KCNJ3: variants seen among roughly 807,000 people sequenced by gnomAD.
KCNJ3 encodes the protein potassium inwardly rectifying channel subfamily J member 3.
A neutral mutation model predicts 39.2 loss-of-function variants in KCNJ3; 4 were observed. That is an observed-to-expected ratio of 0.10 (90% CI 0.05 to 0.23). KCNJ3 has a LOEUF of 0.23. Ranked by LOEUF, KCNJ3 falls within the 10% of genes least tolerant of loss-of-function variation. The pLI is 1.00. For missense variants in KCNJ3, 276 were observed against 634.9 expected (o/e 0.43, Z 6.08); for synonymous variants, 230 against 237.4 (o/e 0.97, Z 0.29).
At chr2:154,850,677 A>T (rs1038069205) in intron 2 of KCNJ3, among the ~76,000 whole-genome samples, 1 of 152,202 alleles carries the variant, frequency 6.6e-6, no homozygotes, top group Non-Finnish European at 1.5e-5. Context: ...GGGTACCTAC[A>T]TCTAATGAAA....
At chr2:154,743,583 G>A (rs1256156510) in intron 2 of KCNJ3, among the ~76,000 whole-genome samples, 1 of 151,146 alleles carries the variant, frequency 6.6e-6, no homozygotes, top group Non-Finnish European at 1.5e-5. Flanking sequence ...CTTTTGAGTA[G>A]TTATACATGC....
chr2:154,849,795 G>C lies in KCNJ3; in HGVS notation c.920-4932G>C, dbSNP rs375163722. On this transcript the variant is annotated intron_variant, in intron 2 of 2. Transcript: ENST00000295101. ...TCACTTTAAAACCTTCCACAGATCTGTTCTTTGAATGAATGTTTAATTCAG... is the reference window on the plus strand; with the variant it reads ...TCACTTTAAAACCTTCCACAGATCTCTTCTTTGAATGAATGTTTAATTCAG... Among the ~76,000 whole-genome samples, 24 of 152,206 alleles carry C rather than the reference G, an allele frequency of 1.6e-4. No homozygotes were observed. In the East Asian group the frequency reaches 2.3e-3, roughly 15 times the overall value.
intron 2 of KCNJ3, among the ~76,000 whole-genome samples, chr2:154,767,271 G>A (rs1267472055): frequency 6.6e-6 from 1 of 151,824 alleles, no homozygotes; most frequent in Non-Finnish European, 1.5e-5. Context: ...GTGCCATGTT[G>A]GTGTGCTGCA....
At chr2:154,705,329 T>C (rs532040737) in intron 1 of KCNJ3, among the ~76,000 whole-genome samples, 1 of 152,284 alleles carries the variant, frequency 6.6e-6, no homozygotes, top group South Asian at 2.1e-4. Flanking sequence ...ATGTATATCC[T>C]AGGATCATGT....
intron 2 of KCNJ3, among the ~76,000 whole-genome samples, chr2:154,750,285 A>G (rs1685816509): frequency 6.6e-6 from 1 of 151,984 alleles, no homozygotes; most frequent in Admixed American, 6.6e-5. Flanking sequence ...TAGTTTCAGT[A>G]TCTATAGGGT....
intron 2 of KCNJ3, among the ~76,000 whole-genome samples, chr2:154,729,176 GTCT>G (rs1000186312): frequency 2.6e-5 from 4 of 152,124 alleles, no homozygotes; most frequent in African/African-American, 9.7e-5. Flanking sequence ...CAGAAATGAA[GTCT>G]TCTTCAGTTT....
intron 2 of KCNJ3, among the ~76,000 whole-genome samples, chr2:154,828,634 C>T (rs1323889857): frequency 6.6e-6 from 1 of 152,118 alleles, no homozygotes; most frequent in African/African-American, 2.4e-5. Context: ...CTGTTCTAGT[C>T]CAATGTGAAG....
intron 2 of KCNJ3, among the ~76,000 whole-genome samples, chr2:154,732,209 G>A (rs767559120): frequency 9.9e-5 from 15 of 152,060 alleles, no homozygotes; most frequent in Non-Finnish European, 2.1e-4. Context: ...TTTGTAAGAA[G>A]TGAGTTTTGC....
At chr2:154,773,238 T>A (rs990592663) in intron 2 of KCNJ3, among the ~76,000 whole-genome samples, 2 of 152,106 alleles carry the variant, frequency 1.3e-5, no homozygotes, top group Non-Finnish European at 2.9e-5. Flanking sequence ...GTTGCATGAC[T>A]TACTATATTT....
At chr2:154,726,457 A>G (rs1054239383) in intron 2 of KCNJ3, among the ~76,000 whole-genome samples, 1 of 152,160 alleles carries the variant, frequency 6.6e-6, no homozygotes, top group African/African-American at 2.4e-5. Context: ...AAATCAAAAA[A>G]TAATAGATGT....
At chr2:154,811,162 T>A (rs2105101581) in intron 2 of KCNJ3, among the ~76,000 whole-genome samples, 1 of 152,254 alleles carries the variant, frequency 6.6e-6, no homozygotes, top group East Asian at 1.9e-4. Flanking sequence ...ACTTACGCAG[T>A]TATGCAGTAG....
intron 2 of KCNJ3, among the ~76,000 whole-genome samples, chr2:154,759,162 A>G (rs1685992209): frequency 6.6e-6 from 1 of 152,204 alleles, no homozygotes; most frequent in Non-Finnish European, 1.5e-5. Context: ...TCTCATGGCT[A>G]TGAAAGCACA....
In KCNJ3 at chr2:154,755,024, A is replaced by G. The variant is rs368045193; in HGVS notation, c.919+45205A>G. Among the ~76,000 whole-genome samples, 469 of 152,232 alleles carry G rather than the reference A, an allele frequency of 3.1e-3. 7 individuals are homozygous for G. The highest frequency in any genetic ancestry group is 0.011 in the African/African-American group (445 of 41,548). On this transcript the variant is annotated intron_variant, in intron 2 of 2. Transcript: ENST00000295101. ...TCTAAGTCATCAAATTTATTATTGT[A>G]AAGTTGTCTGTGATACCTTTGTATT...
intron 1 of KCNJ3, among the ~76,000 whole-genome samples, chr2:154,703,520 A>G (rs1266064314): frequency 6.6e-6 from 1 of 150,382 alleles, no homozygotes; most frequent in Non-Finnish European, 1.5e-5. Flanking sequence ...CATATCCTCC[A>G]TATATATATC....
At chr2:154,826,799 T>C (rs1233919520) in intron 2 of KCNJ3, among the ~76,000 whole-genome samples, 7 of 152,210 alleles carry the variant, frequency 4.6e-5, no homozygotes, top group Non-Finnish European at 1.0e-4. Context: ...TAAATGAACC[T>C]ATCTGTTTGT....
At chr2:154,708,497 AT>A (rs1420878911) in intron 1 of KCNJ3, among the ~76,000 whole-genome samples, 1 of 152,156 alleles carries the variant, frequency 6.6e-6, no homozygotes, top group Non-Finnish European at 1.5e-5. Context: ...TTTACATGGA[AT>A]CTGTTAGAAT....
At chr2:154,779,538 T>G (rs1021934069) in intron 2 of KCNJ3, among the ~76,000 whole-genome samples, 2 of 146,882 alleles carry the variant, frequency 1.4e-5, no homozygotes, top group Non-Finnish European at 3.0e-5. Context: ...TATAGTTATA[T>G]ATATATTTAT....
In KCNJ3 at chr2:154,839,897, T is replaced by C. The variant is rs569473205; in HGVS notation, c.920-14830T>C. ...CTCATTCTGTAGGTTGCCTGTTCAC[T>C]CTGATGGTCGTTTCTTTTGCTGTGC... On this transcript the variant is annotated intron_variant, in intron 2 of 2. Transcript: ENST00000295101. Among the ~76,000 whole-genome samples, 4 of 152,286 alleles carry C rather than the reference T, an allele frequency of 2.6e-5. No individual in the cohort carries two copies. In the East Asian group the frequency reaches 7.7e-4, roughly 29 times the overall value.
chr2:154,713,579 G>A (rs1025562013), intron 2 of KCNJ3, among the ~76,000 whole-genome samples: 5 of 152,078 alleles, frequency 3.3e-5, no homozygotes, highest in Admixed American at 1.3e-4. Context: ...CCACTTTTTT[G>A]GAAGTACTCC....
Sources: gnomAD v4.1 joint callset for allele counts (sites outside exome capture counted in the v4.1 genomes callset) on GRCh38, gnomAD v4.1.1 for gene constraint, MANE v1.5 for transcripts, NCBI Gene and HGNC (gene_info 2026-07-23, HGNC 2026-07-21) for gene names.